The following PRDM11 variants were observed in gnomAD, a reference collection of about 807,000 sequenced individuals.
PRDM11 encodes PR/SET domain 11, also known as PR domain-containing protein 11.
PRDM11 carries 20 observed loss-of-function variants against 97.8 expected under a neutral mutation model. That is an observed-to-expected ratio of 0.20 (90% CI 0.14 to 0.30). The LOEUF is 0.30. Ranked by LOEUF, PRDM11 falls within the 10% of genes least tolerant of loss-of-function variation. PRDM11 has a pLI of 1.00. For missense variants in PRDM11, 1,139 were observed against 1,555.2 expected, an observed-to-expected ratio of 0.73 and a Z score of 4.50; for synonymous variants, 599 against 637.7, an observed-to-expected ratio of 0.94 and a Z score of 0.91.
At chr11:45,138,789 A>T (rs772765758) in intron 1 of PRDM11, among the ~76,000 whole-genome samples, 2 of 152,140 alleles carry the variant, frequency 1.3e-5, no homozygotes, top group African/African-American at 4.8e-5. Context: ...TTTTTTTTAC[A>T]ATATACTGAA....
intron 1 of PRDM11, among the ~76,000 whole-genome samples, chr11:45,104,175 G>T (rs148071025): frequency 6.6e-6 from 1 of 152,378 alleles, no homozygotes; most frequent in Non-Finnish European, 1.5e-5. Flanking sequence ...ACCTGGCAAA[G>T]CACAAGACCA....
Position 45,227,442 on chromosome 11 carries a change from G to C in PRDM11, c.2817G>C (p.Glu939Asp), listed in dbSNP as rs765169586. The C allele has an allele frequency of 1.3e-5, 20 of 1,533,748 alleles. No individual in the cohort carries two copies. The highest frequency in any genetic ancestry group is 3.6e-5 in the South Asian group (3 of 83,968). Residue 939 changes from glutamate (E) to aspartate (D), a missense_variant, in exon 8 of 8, where the codon GAG becomes GAC. This residue lies in a region of PRDM11 where 710 missense variants were observed against 1,044.9 expected (regional missense o/e 0.68). Transcript: ENST00000683152. The surrounding 1 kb of genome is among the most constrained non-coding windows in gnomAD (Gnocchi z 8.0). ...YLQEFEENFR[E>D]SFNGIAMKNL... Reference sequence around the variant, plus strand: ...AGGAGTTCGAGGAGAATTTCCGAGAGAGCTTCAACGGGATCGCCATGAAGA... The same window carrying C: ...AGGAGTTCGAGGAGAATTTCCGAGACAGCTTCAACGGGATCGCCATGAAGA...
At chr11:45,117,822 T>C (rs1743337540) in intron 1 of PRDM11, among the ~76,000 whole-genome samples, 1 of 152,168 alleles carries the variant, frequency 6.6e-6, no homozygotes, top group Non-Finnish European at 1.5e-5. Flanking sequence ...AATAGTGACT[T>C]CGTTCCGACG....
chr11:45,215,791 AC>A (rs1353306802), intron 5 of PRDM11: 1 of 152,146 alleles, frequency 6.6e-6, no homozygotes. Flanking sequence ...TAGCCCGGAG[AC>A]CTATGCATGT....
rs532977194 is a variant in PRDM11, at chr11:45,106,848, C to T, written c.96+10947C>T. ...AAGTTACAGAGCATCTTCTGCCATACTCTACTGGTCAAGGCAGTCACAAAA... is the reference window on the plus strand; with the variant it reads ...AAGTTACAGAGCATCTTCTGCCATATTCTACTGGTCAAGGCAGTCACAAAA... On this transcript the variant is annotated intron_variant, in intron 1 of 6. Transcript: ENST00000530656. 5.3e-5 allele frequency among the ~76,000 whole-genome samples: 8 copies of T among 152,342 alleles called. No homozygotes were observed. The East Asian group carries it at 1.5e-3, about 29-fold the overall frequency.
intron 1 of PRDM11, among the ~76,000 whole-genome samples, chr11:45,139,300 G>A (rs1442191984): frequency 2.0e-5 from 3 of 152,204 alleles, no homozygotes; most frequent in African/African-American, 7.2e-5. Flanking sequence ...TTTAGGCAGT[G>A]GCTCACGCCT....
chr11:45,165,409 G>A (rs1156352262), intron 1 of PRDM11, among the ~76,000 whole-genome samples: 1 of 152,232 alleles, frequency 6.6e-6, no homozygotes, highest in East Asian at 1.9e-4. Context: ...GGGACTGGGG[G>A]GCTGGTGAGT....
intron 1 of PRDM11, among the ~76,000 whole-genome samples, chr11:45,179,254 G>C (rs1852407797): frequency 6.6e-6 from 1 of 152,210 alleles, no homozygotes; most frequent in African/African-American, 2.4e-5. Flanking sequence ...AGCCAATGGA[G>C]AGAATTTGAA....
Position 45,210,426 on chromosome 11 carries a change from C to A in PRDM11, c.554+5648C>A, listed in dbSNP as rs1457671205. On this transcript the variant is annotated intron_variant, in intron 5 of 7. Transcript: ENST00000683152. ...CAGAAGGGGGAGCACTAAAGGCCTCCGCAGGGACTGCAACCCTTCCTTTCC... is the reference window on the plus strand; with the variant it reads ...CAGAAGGGGGAGCACTAAAGGCCTCAGCAGGGACTGCAACCCTTCCTTTCC... Among the ~76,000 whole-genome samples, 3 of 152,208 alleles carry A rather than the reference C, an allele frequency of 2.0e-5. No homozygotes were observed. In the South Asian group the frequency reaches 6.2e-4, roughly 32 times the overall value.
At chr11:45,163,244 C>G (rs993106709) in intron 1 of PRDM11, among the ~76,000 whole-genome samples, 2 of 152,240 alleles carry the variant, frequency 1.3e-5, no homozygotes, top group Non-Finnish European at 2.9e-5. Context: ...GGCCAGCATG[C>G]GTGCTGACCC....
chr11:45,188,418 C>CT (rs55805709), intron 4 of PRDM11, among the ~76,000 whole-genome samples: 9,298 of 152,312 alleles, frequency 0.061, 381 homozygotes, highest in Non-Finnish European at 0.094. Context: ...AGAACCTACC[C>CT]TCTCATTCCG....
intron 1 of PRDM11, among the ~76,000 whole-genome samples, chr11:45,159,615 A>G (rs769193679): frequency 3.3e-5 from 5 of 152,144 alleles, no homozygotes; most frequent in Admixed American, 6.5e-5. Context: ...TCTTGGAGGT[A>G]ATGGCCTCCT....
intron 4 of PRDM11, among the ~76,000 whole-genome samples, chr11:45,187,915 G>T (rs1852768629): frequency 6.6e-6 from 1 of 152,066 alleles, no homozygotes; most frequent in Non-Finnish European, 1.5e-5. Flanking sequence ...CTGCTGATGG[G>T]TAGGCCAAAT....
At chr11:45,138,031 G>T (rs1399452532) in intron 1 of PRDM11, among the ~76,000 whole-genome samples, 2 of 152,132 alleles carry the variant, frequency 1.3e-5, no homozygotes, top group Admixed American at 6.5e-5. Context: ...GGAAAACACA[G>T]CTTCACCCTC....
intron 4 of PRDM11, among the ~76,000 whole-genome samples, chr11:45,187,153 C>T (rs1164618590): frequency 6.6e-6 from 1 of 152,158 alleles, no homozygotes; most frequent in Admixed American, 6.5e-5. Flanking sequence ...AGCTTATTCC[C>T]AACCAAGTAA....
chr11:45,134,341 C>CA, intron 1 of PRDM11, among the ~76,000 whole-genome samples: 1 of 151,972 alleles, frequency 6.6e-6, no homozygotes, highest in Non-Finnish European at 1.5e-5. Context: ...CAGGCAGTTA[C>CA]AAAAAAAGTT....
At chr11:45,188,983 C>A (rs1852811225) in intron 4 of PRDM11, among the ~76,000 whole-genome samples, 1 of 152,214 alleles carries the variant, frequency 6.6e-6, no homozygotes, top group Non-Finnish European at 1.5e-5. Context: ...CTCACCGCAA[C>A]CTCTGCCTCC....
Position 45,227,636 on chromosome 11 carries a change from A to G in PRDM11, c.3011A>G (p.Tyr1004Cys). ...WPRSSEELMSYGKEDMVQIFD... is the reference protein window; with the variant it reads ...WPRSSEELMSCGKEDMVQIFD... Reference sequence around the variant, plus strand: ...AGGAGCAGTGAGGAGCTGATGAGCTATGGCAAGGAGGATATGGTGCAAATA... The same window carrying G: ...AGGAGCAGTGAGGAGCTGATGAGCTGTGGCAAGGAGGATATGGTGCAAATA... The change falls in exon 8 of 8, where the codon TAT becomes TGT. Residue 1004 changes from tyrosine (Y) to cysteine (C), a missense_variant. Transcript: ENST00000683152. The surrounding 1 kb of genome is among the most constrained non-coding windows in gnomAD (Gnocchi z 8.0). 6.5e-7 allele frequency: 1 copy of G among 1,533,942 alleles called. No individual in the cohort carries two copies. Among genetic ancestry groups the G allele is most frequent in the Non-Finnish European group, 8.7e-7 (1 of 1,146,718 alleles).
chr11:45,182,583 C>A (rs1342711761), intron 3 of PRDM11, among the ~76,000 whole-genome samples: 2 of 152,204 alleles, frequency 1.3e-5, no homozygotes, highest in Non-Finnish European at 1.5e-5. Context: ...GCCTCGAGTC[C>A]TCTGGCCCAA....
Sources: allele counts gnomAD v4.1 joint callset (sites outside exome capture counted in the v4.1 genomes callset), GRCh38; gene constraint gnomAD v4.1.1; regional missense constraint gnomAD v4.1.1; non-coding constraint Gnocchi (gnomAD v3.1); transcripts MANE v1.5; gene names NCBI Gene and HGNC (gene_info 2026-07-23, HGNC 2026-07-21).